Variants in CUL1 observed in about 807,000 individuals in gnomAD.
CUL1 encodes the protein cullin 1, also known as cullin-1.
CUL1 carries 24 observed loss-of-function variants against 118.0 expected under a neutral mutation model. That is an observed-to-expected ratio of 0.20 (90% CI 0.15 to 0.29). The LOEUF (loss-of-function observed/expected upper bound fraction) is 0.29. Ranked by LOEUF, CUL1 falls within the 10% of genes least tolerant of loss-of-function variation. CUL1 has a pLI of 1.00. For missense variants in CUL1, 361 were observed against 933.8 expected (o/e 0.39, Z 7.99); for synonymous variants, 332 against 340.4 (o/e 0.98, Z 0.27).
intron 1 of CUL1, among the ~76,000 whole-genome samples, chr7:148,729,639 T>G (rs1183907594): frequency 1.3e-5 from 2 of 152,198 alleles, no homozygotes; most frequent in Non-Finnish European, 2.9e-5. Flanking sequence ...CCTTTTTTCT[T>G]TGAGTTTGTC....
intron 3 of CUL1, among the ~76,000 whole-genome samples, chr7:148,754,412 A>G (rs575521663): frequency 1.9e-4 from 29 of 151,738 alleles, no homozygotes; most frequent in Non-Finnish European, 3.5e-4. Context: ...GGCTCAAGTG[A>G]TCCTTCCACT....
intron 2 of CUL1, among the ~76,000 whole-genome samples, chr7:148,736,322 A>T (rs777327286): frequency 1.3e-5 from 2 of 152,194 alleles, no homozygotes; most frequent in Admixed American, 6.5e-5. Context: ...GTTTTGAGAT[A>T]GAGTCTTGCC....
intron 1 of CUL1, among the ~76,000 whole-genome samples, chr7:148,717,475 C>T (rs879751854): frequency 3.3e-5 from 5 of 151,956 alleles, no homozygotes; most frequent in African/African-American, 7.2e-5. Flanking sequence ...TCACCCCATC[C>T]GGTCTGACCA....
chr7:148,768,099 T>A (rs1443480320), intron 9 of CUL1, among the ~76,000 whole-genome samples: 1 of 152,178 alleles, frequency 6.6e-6, no homozygotes, highest in Non-Finnish European at 1.5e-5. Context: ...GGTTGTGCCT[T>A]ACAGGAACTT....
At chr7:148,768,022 A>G (rs1342526716) in intron 9 of CUL1, among the ~76,000 whole-genome samples, 1 of 151,954 alleles carries the variant, frequency 6.6e-6, no homozygotes, top group Non-Finnish European at 1.5e-5. Context: ...TGCACTCACT[A>G]GAAGAAGCTG....
intron 2 of CUL1, among the ~76,000 whole-genome samples, chr7:148,751,368 T>C (rs1237814003): frequency 1.3e-5 from 2 of 151,672 alleles, no homozygotes; most frequent in Non-Finnish European, 2.9e-5. Context: ...ACCAATATGG[T>C]GAAACCCTGT....
intron 2 of CUL1, among the ~76,000 whole-genome samples, chr7:148,730,953 A>C (rs1040075467): frequency 6.6e-6 from 1 of 152,184 alleles, no homozygotes; most frequent in African/African-American, 2.4e-5. Flanking sequence ...CTGGGACCAC[A>C]GACACGTGCC....
chr7:148,778,939 C>G (rs928858424), intron 9 of CUL1, among the ~76,000 whole-genome samples: 4 of 152,288 alleles, frequency 2.6e-5, no homozygotes, highest in Admixed American at 6.5e-5. Flanking sequence ...TAGCAATATT[C>G]TTGAATGGTG....
chr7:148,731,159 A>G (rs887189045), intron 2 of CUL1, among the ~76,000 whole-genome samples: 4 of 152,140 alleles, frequency 2.6e-5, no homozygotes, highest in Non-Finnish European at 5.9e-5. Context: ...GGCTCCCACT[A>G]TTCGTGTGGT....
At chr7:148,699,959 C>G (rs1425498943) in intron 1 of CUL1, among the ~76,000 whole-genome samples, 3 of 152,166 alleles carry the variant, frequency 2.0e-5, no homozygotes, top group Non-Finnish European at 4.4e-5. Context: ...GCCACCCGTG[C>G]AGTATTGTGT....
intron 1 of CUL1, among the ~76,000 whole-genome samples, chr7:148,710,301 G>A (rs1451004122): frequency 7.6e-5 from 9 of 118,854 alleles, no homozygotes; most frequent in African/African-American, 1.2e-4. Flanking sequence ...TGGGCCGGGC[G>A]CGGTACGCCT....
rs750562027 is a variant in CUL1, at chr7:148,799,394, G to A, written c.2250+6G>A. 2 of 1,570,056 alleles carry A rather than the reference G, an allele frequency of 1.3e-6. No homozygotes were observed. The highest frequency in any genetic ancestry group is 1.1e-5 in the South Asian group (1 of 89,654). On this transcript the variant is annotated splice_donor_region_variant and intron_variant, in intron 21 of 21. Coordinates refer to ENST00000325222, the MANE Select transcript of CUL1 (RefSeq NM_003592.3). Reference sequence around the variant, plus strand: ...CTCGAGTCCCTGTGATCAAGGTACAGGACTTTACATAGCAGTCACATTCCT... The same window carrying A: ...CTCGAGTCCCTGTGATCAAGGTACAAGACTTTACATAGCAGTCACATTCCT...
intron 17 of CUL1, among the ~76,000 whole-genome samples, chr7:148,797,438 G>A (rs1051869374): frequency 6.7e-6 from 1 of 149,510 alleles, no homozygotes; most frequent in African/African-American, 2.5e-5. Flanking sequence ...TTGAAATTTC[G>A]GATTTTCCAA....
At chr7:148,748,186 C>A (rs541869594) in intron 2 of CUL1, among the ~76,000 whole-genome samples, 1 of 151,948 alleles carries the variant, frequency 6.6e-6, no homozygotes, top group Admixed American at 6.5e-5. Context: ...AAAACAGGAT[C>A]GTAGAAATTA....
chr7:148,733,917 G>A (rs1798853025), intron 2 of CUL1, among the ~76,000 whole-genome samples: 1 of 151,938 alleles, frequency 6.6e-6, no homozygotes, highest in Non-Finnish European at 1.5e-5. Context: ...GAGGCTTTAG[G>A]AACCTGTGAC....
chr7:148,732,587 G>C (rs755033105), intron 2 of CUL1, among the ~76,000 whole-genome samples: 1 of 151,682 alleles, frequency 6.6e-6, no homozygotes, highest in Non-Finnish European at 1.5e-5. Flanking sequence ...CATTCCGCCT[G>C]GCTTGGCCTT....
intron 1 of CUL1, among the ~76,000 whole-genome samples, chr7:148,718,924 T>C (rs1439921795): frequency 6.6e-6 from 1 of 152,204 alleles, no homozygotes; most frequent in African/African-American, 2.4e-5. Context: ...AGAAACCATT[T>C]CTTAATTTGA....
intron 7 of CUL1, among the ~76,000 whole-genome samples, chr7:148,762,856 C>T (rs2129460600): frequency 6.6e-6 from 1 of 152,306 alleles, no homozygotes; most frequent in South Asian, 2.1e-4. Flanking sequence ...GTTTTTAAAA[C>T]CAGGCCTAGG....
At chr7:148,726,825 A>G (rs567023465) in intron 1 of CUL1, among the ~76,000 whole-genome samples, 1 of 142,600 alleles carries the variant, frequency 7.0e-6, no homozygotes, top group East Asian at 2.0e-4. Flanking sequence ...ACGAAACCCC[A>G]TCTCTACCAA....
Sources: allele counts gnomAD v4.1 joint callset (sites outside exome capture counted in the v4.1 genomes callset), GRCh38; gene constraint gnomAD v4.1.1; transcripts MANE v1.5; gene names NCBI Gene and HGNC (gene_info 2026-07-23, HGNC 2026-07-21).